The following PEAK1 variants were observed in gnomAD, a reference collection of about 807,000 sequenced individuals.
PEAK1 encodes the protein inactive tyrosine-protein kinase PEAK1.
A neutral mutation model predicts 124.7 loss-of-function variants in PEAK1; 54 were observed. The observed-to-expected ratio is 0.43, with a 90% CI of 0.35 to 0.54. The LOEUF (loss-of-function observed/expected upper bound fraction) is 0.54. PEAK1 is among the 20% of genes least tolerant of loss of function. The pLI is 0.01. For synonymous variants in PEAK1, 719 were observed against 760.0 expected (o/e 0.95, Z 0.89); for missense variants, 2,046 against 2,134.5 (o/e 0.96, Z 0.82).
In PEAK1 at chr15:77,115,120, T is replaced by C. The variant is rs1457138554; in HGVS notation, c.4277A>G (p.Lys1426Arg). The C allele has an allele frequency of 4.3e-6, 7 of 1,614,070 alleles. No individual in the cohort carries two copies. In the East Asian group the frequency reaches 8.9e-5, roughly 21 times the overall value. ...DDMEETEEDAKGETDGKNPKP... is the reference protein window; with the variant it reads ...DDMEETEEDARGETDGKNPKP... ...TGGGTTTTTCCCATCCGTTTCTCCT[T>C]TGGCGTCTTCTTCAGTCTCTTCCAT... Residue 1426 changes from lysine (K) to arginine (R), a missense_variant, in exon 10 of 10, where the codon AAA becomes AGA. By Grantham distance (26) the Lys-to-Arg change is conservative (BLOSUM62 2). Coordinates refer to ENST00000682557, the MANE Select transcript of PEAK1 (RefSeq NM_001385026.1).
chr15:77,294,343 T>G (rs1406746645), intron 2 of PEAK1, among the ~76,000 whole-genome samples: 1 of 152,202 alleles, frequency 6.6e-6, no homozygotes. Flanking sequence ...AAAGGTATTT[T>G]AAAAATTATA....
At chr15:77,177,779 T>G (rs1224136674) in intron 7 of PEAK1, 3 of 152,202 alleles carry the variant, frequency 2.0e-5, no homozygotes, top group Non-Finnish European at 4.4e-5. Context: ...TTACTGGCAG[T>G]TAATTCATTT....
intron 2 of PEAK1, among the ~76,000 whole-genome samples, chr15:77,314,160 T>C (rs746194812): frequency 6.6e-6 from 1 of 152,188 alleles, no homozygotes; most frequent in Non-Finnish European, 1.5e-5. Context: ...GTTTGTGTTA[T>C]AAGAGTTAAA....
intron 7 of PEAK1, among the ~76,000 whole-genome samples, chr15:77,165,689 G>C (rs955127713): frequency 1.3e-4 from 20 of 152,202 alleles, no homozygotes; most frequent in African/African-American, 4.8e-4. Context: ...GGAAATGGAT[G>C]TAGGGCAGGA....
chr15:77,177,456 T>G (rs2152814605), intron 7 of PEAK1, among the ~76,000 whole-genome samples: 1 of 152,212 alleles, frequency 6.6e-6, no homozygotes, highest in Admixed American at 6.5e-5. Flanking sequence ...AAAAGCTCAT[T>G]TTAGTAAAGA....
At chr15:77,357,619 C>A (rs1211501190) in intron 2 of PEAK1, among the ~76,000 whole-genome samples, 1 of 152,052 alleles carries the variant, frequency 6.6e-6, no homozygotes, top group East Asian at 1.9e-4. Flanking sequence ...TCTCACAGAT[C>A]AAAATAAACT....
At chr15:77,320,655 T>C (rs946429973) in intron 2 of PEAK1, among the ~76,000 whole-genome samples, 7 of 152,196 alleles carry the variant, frequency 4.6e-5, no homozygotes, top group Non-Finnish European at 8.8e-5. Flanking sequence ...TTTATTTTTT[T>C]CCCCCAGCAT....
At chr15:77,407,362 A>C (rs1405665287) in intron 1 of PEAK1, among the ~76,000 whole-genome samples, 3 of 152,210 alleles carry the variant, frequency 2.0e-5, no homozygotes, top group African/African-American at 7.2e-5. Flanking sequence ...AATCTTCACA[A>C]ACTATGCATC....
chr15:77,276,060 T>C (rs778056315), intron 5 of PEAK1, among the ~76,000 whole-genome samples: 1 of 151,816 alleles, frequency 6.6e-6, no homozygotes, highest in African/African-American at 2.4e-5. Context: ...GTCTGAACAA[T>C]AGGAAGAAAA....
chr15:77,403,820 T>C, intron 1 of PEAK1: 1 of 982,420 alleles, frequency 1.0e-6, no homozygotes, highest in Non-Finnish European at 1.2e-6. Context: ...TCAATTCTAT[T>C]CTAATATATC....
intron 2 of PEAK1, chr15:77,335,467 A>T (rs757960235): frequency 1.1e-5 from 11 of 985,258 alleles, no homozygotes; most frequent in Non-Finnish European, 1.1e-5. Flanking sequence ...TTATCACTAT[A>T]CATCACGTTG....
chr15:77,106,878 C>T (rs1184058681), downstream of PEAK1: 1 of 152,188 alleles, frequency 6.6e-6, no homozygotes, highest in African/African-American at 2.4e-5. Context: ...GCTATTTTGT[C>T]ATGCTTCAAG....
chr15:77,326,406 T>C (rs1401990898), intron 2 of PEAK1, among the ~76,000 whole-genome samples: 1 of 152,130 alleles, frequency 6.6e-6, no homozygotes, highest in Admixed American at 6.6e-5. Context: ...GGACATAAAA[T>C]ATCTCCAAAG....
intron 7 of PEAK1, among the ~76,000 whole-genome samples, chr15:77,168,357 C>G (rs1373578909): frequency 1.3e-5 from 2 of 151,908 alleles, no homozygotes; most frequent in African/African-American, 4.8e-5. Flanking sequence ...TGCCTGACAA[C>G]CACAGACAAA....
At chr15:77,202,946 A>C (rs35598964) in intron 6 of PEAK1, among the ~76,000 whole-genome samples, 40,083 of 150,500 alleles carry the variant, frequency 0.27, 6,471 homozygotes, top group Non-Finnish European at 0.37. Context: ...CTGAGGTGGG[A>C]GGATGGCTTA....
chr15:77,284,244 G>A (rs2062810312), intron 4 of PEAK1, among the ~76,000 whole-genome samples: 1 of 152,196 alleles, frequency 6.6e-6, no homozygotes, highest in African/African-American at 2.4e-5. Flanking sequence ...GAAGGTCTCA[G>A]TCTCACCATC....
At chr15:77,281,662 A>G (rs1291052412) in intron 5 of PEAK1, among the ~76,000 whole-genome samples, 1 of 152,126 alleles carries the variant, frequency 6.6e-6, no homozygotes, top group African/African-American at 2.4e-5. Context: ...TTTCAACAAT[A>G]CTCTCAATTT....
intron 2 of PEAK1, among the ~76,000 whole-genome samples, chr15:77,313,726 G>GTGTATATATATATATATATA (rs1462211130): frequency 9.2e-6 from 1 of 108,568 alleles, no homozygotes; most frequent in Non-Finnish European, 1.9e-5. Context: ...GTGTGTGTGT[G>GTGTATATATATATATATATA]TATATATATA....
chr15:77,236,449 G>C (rs2060129632), intron 6 of PEAK1, among the ~76,000 whole-genome samples: 1 of 152,118 alleles, frequency 6.6e-6, no homozygotes, highest in South Asian at 2.1e-4. Context: ...CATTGTTTTG[G>C]TCAATTTCTC....
Sources: allele counts gnomAD v4.1 joint callset (sites outside exome capture counted in the v4.1 genomes callset), GRCh38; gene constraint gnomAD v4.1.1; transcripts MANE v1.5; gene names NCBI Gene and HGNC (gene_info 2026-07-23, HGNC 2026-07-21).